The following CACNG3 variants were observed in gnomAD, a reference collection of about 807,000 sequenced individuals.
CACNG3 encodes calcium voltage-gated channel auxiliary subunit gamma 3.
Under a neutral mutation model 28.5 loss-of-function variants are expected in CACNG3, and 3 were observed. The observed-to-expected ratio is 0.11, with a 90% CI of 0.05 to 0.27. The LOEUF is 0.27. Ranked by LOEUF, CACNG3 falls within the 10% of genes least tolerant of loss-of-function variation. The pLI, the probability that CACNG3 is intolerant of heterozygous loss-of-function variation, is 1.00. For missense variants in CACNG3, 236 were observed against 414.4 expected (o/e 0.57, Z 3.74); for synonymous variants, 174 against 162.2 (o/e 1.07, Z -0.55).
chr16:24,310,711 T>C (rs1899249700), intron 1 of CACNG3, among the ~76,000 whole-genome samples: 1 of 152,134 alleles, frequency 6.6e-6, no homozygotes, highest in Admixed American at 6.5e-5. Context: ...ATTAGGGAAA[T>C]TGAGGCACAG....
chr16:24,325,832 CA>C (rs1404067700), intron 1 of CACNG3, among the ~76,000 whole-genome samples: 4 of 152,334 alleles, frequency 2.6e-5, no homozygotes, highest in Middle Eastern at 6.8e-3. Context: ...GCTGCTGTTC[CA>C]AACAGGTGAG....
intron 1 of CACNG3, among the ~76,000 whole-genome samples, chr16:24,319,929 C>T (rs1162754581): frequency 1.3e-5 from 2 of 152,190 alleles, no homozygotes; most frequent in Admixed American, 6.5e-5. Flanking sequence ...CACCACCATG[C>T]CCCGCTAATT....
chr16:24,289,669 G>T (rs1211147790), intron 1 of CACNG3, among the ~76,000 whole-genome samples: 1 of 152,168 alleles, frequency 6.6e-6, no homozygotes, highest in South Asian at 2.1e-4. Flanking sequence ...GTCCATGAAG[G>T]TACCCCATTT....
intron 1 of CACNG3, among the ~76,000 whole-genome samples, chr16:24,336,729 C>A (rs1447897391): frequency 7.5e-6 from 1 of 133,694 alleles, no homozygotes; most frequent in African/African-American, 2.5e-5. Flanking sequence ...GAGGGCCCCA[C>A]CCTCGTGACC....
intron 1 of CACNG3, among the ~76,000 whole-genome samples, chr16:24,337,791 T>G (rs1276405654): frequency 6.6e-6 from 1 of 151,950 alleles, no homozygotes; most frequent in Non-Finnish European, 1.5e-5. Context: ...ACCCCAAATC[T>G]GGTGGTCTCA....
intron 1 of CACNG3, among the ~76,000 whole-genome samples, chr16:24,284,528 C>T (rs898231074): frequency 1.4e-4 from 21 of 152,068 alleles, no homozygotes; most frequent in African/African-American, 4.6e-4. Context: ...AACTTGTCTC[C>T]GACTGCATTT....
chr16:24,353,478 C>T (rs1899986132), intron 2 of CACNG3, among the ~76,000 whole-genome samples: 2 of 152,170 alleles, frequency 1.3e-5, no homozygotes, highest in South Asian at 4.1e-4. Flanking sequence ...TACTGGGACC[C>T]CAACCACATG....
chr16:24,343,568 T>G (rs1024482440), intron 1 of CACNG3, among the ~76,000 whole-genome samples: 1 of 152,158 alleles, frequency 6.6e-6, no homozygotes, highest in Non-Finnish European at 1.5e-5. Flanking sequence ...TCCAGTTCAT[T>G]GCCAACATCA....
chr16:24,318,919 G>T (rs77120956), intron 1 of CACNG3, among the ~76,000 whole-genome samples: 3,200 of 152,198 alleles, frequency 0.021, 97 homozygotes, highest in African/African-American at 0.063. Context: ...TGTGGCATCC[G>T]GACAAGGCAT....
intron 1 of CACNG3, among the ~76,000 whole-genome samples, chr16:24,267,951 G>A (rs975838380): frequency 6.6e-6 from 1 of 151,862 alleles, no homozygotes; most frequent in Non-Finnish European, 1.5e-5. Context: ...GATTACAGCC[G>A]TGAGCTACCG....
intron 1 of CACNG3, among the ~76,000 whole-genome samples, chr16:24,261,280 T>C (rs1898534167): frequency 6.6e-6 from 1 of 152,144 alleles, no homozygotes; most frequent in Non-Finnish European, 1.5e-5. Flanking sequence ...TGAAACTCGG[T>C]CTCAGTGTGG....
chr16:24,262,534 T>A (rs1055843023), intron 1 of CACNG3, among the ~76,000 whole-genome samples: 1 of 152,232 alleles, frequency 6.6e-6, no homozygotes, highest in African/African-American at 2.4e-5. Context: ...CCACTGCACC[T>A]ACCCTAGCCC....
At chr16:24,306,366 G>A (rs1203528758) in intron 1 of CACNG3, among the ~76,000 whole-genome samples, 1 of 152,224 alleles carries the variant, frequency 6.6e-6, no homozygotes, top group Non-Finnish European at 1.5e-5. Context: ...GGCTTCAGGA[G>A]CAGAAAGCTG....
chr16:24,361,410 G>A lies in CACNG3; in HGVS notation c.495G>A (p.Gly165=), dbSNP rs950931829. 1 of 1,613,722 alleles carries A rather than the reference G, an allele frequency of 6.2e-7. No individual in the cohort carries two copies. The highest frequency in any genetic ancestry group is 8.5e-7 in the Non-Finnish European group (1 of 1,179,800). Residue 165 remains glycine, a synonymous_variant, in exon 4 of 4, where the codon GGG becomes GGA. Coordinates refer to ENST00000005284, the MANE Select transcript of CACNG3 (RefSeq NM_006539.4). This position sits in a 1 kb window ranked among gnomAD's most constrained non-coding sequence, Gnocchi z 6.8. ...VYISANAGDP[G]QRDSKKSYSY... ...TATCAGCCAACGCCGGAGACCCCGG[G>A]CAGCGTGACTCCAAAAAAAGTTACT...
chr16:24,322,517 A>G (rs1392324606), intron 1 of CACNG3, among the ~76,000 whole-genome samples: 2 of 152,152 alleles, frequency 1.3e-5, no homozygotes, highest in East Asian at 1.9e-4. Context: ...GTGCTTAGCT[A>G]AACATTTTCT....
At chr16:24,258,822 C>T (rs1898502105) in intron 1 of CACNG3, among the ~76,000 whole-genome samples, 1 of 152,134 alleles carries the variant, frequency 6.6e-6, no homozygotes, top group Non-Finnish European at 1.5e-5. Context: ...ATTCTTCTGC[C>T]TCTGGGAATC....
intron 1 of CACNG3, among the ~76,000 whole-genome samples, chr16:24,339,668 G>T (rs1277155604): frequency 6.6e-6 from 1 of 152,158 alleles, no homozygotes; most frequent in Non-Finnish European, 1.5e-5. Context: ...TTACAGGCGT[G>T]AGCCACTGCA....
chr16:24,305,856 A>G (rs1233449337), intron 1 of CACNG3, among the ~76,000 whole-genome samples: 1 of 152,170 alleles, frequency 6.6e-6, no homozygotes, highest in African/African-American at 2.4e-5. Flanking sequence ...TATTTTATAG[A>G]GATGAGGTCT....
chr16:24,312,973 A>G (rs1403122430), intron 1 of CACNG3, among the ~76,000 whole-genome samples: 1 of 148,662 alleles, frequency 6.7e-6, no homozygotes, highest in African/African-American at 2.5e-5. Flanking sequence ...AAGAAAAGAA[A>G]GAAAGAAATA....
Sources: allele counts gnomAD v4.1 joint callset (sites outside exome capture counted in the v4.1 genomes callset), GRCh38; gene constraint gnomAD v4.1.1; non-coding constraint Gnocchi (gnomAD v3.1); transcripts MANE v1.5; gene names NCBI Gene and HGNC (gene_info 2026-07-23, HGNC 2026-07-21).